Variants in CDYL2 observed in about 807,000 individuals in gnomAD.
The protein encoded by CDYL2 is chromodomain Y like 2.
Under a neutral mutation model 49.4 loss-of-function variants are expected in CDYL2, and 23 were observed. That is an observed-to-expected ratio of 0.47 (90% CI 0.34 to 0.66). CDYL2 has a LOEUF of 0.66. Ranked by LOEUF, CDYL2 falls within the 30% of genes least tolerant of loss-of-function variation. The pLI is 0.01. For missense variants in CDYL2, 678 were observed against 656.4 expected (o/e 1.03, Z -0.36); for synonymous variants, 360 against 268.8 (o/e 1.34, Z -3.32).
At chr16:80,754,426 T>C (rs7192313) in intron 1 of CDYL2, among the ~76,000 whole-genome samples, 48,262 of 152,096 alleles carry the variant, frequency 0.32, 8,422 homozygotes, top group African/African-American at 0.47. Context: ...TTAGGAGATG[T>C]TGCTATTACA....
intron 1 of CDYL2, among the ~76,000 whole-genome samples, chr16:80,737,481 C>A (rs1248143134): frequency 6.6e-6 from 1 of 152,216 alleles, no homozygotes; most frequent in Admixed American, 6.5e-5. Context: ...AGAGCGTGAG[C>A]TCTTCAGCCA....
intron 6 of CDYL2, among the ~76,000 whole-genome samples, chr16:80,606,453 G>T (rs1482659850): frequency 4.6e-5 from 7 of 152,106 alleles, no homozygotes; most frequent in African/African-American, 1.7e-4. Flanking sequence ...TTGCAGGCCA[G>T]TCTCCCACCC....
At chr16:80,778,641 A>G (rs1907167975) in intron 1 of CDYL2, among the ~76,000 whole-genome samples, 1 of 152,102 alleles carries the variant, frequency 6.6e-6, no homozygotes, top group African/African-American at 2.4e-5. Context: ...AGAGGTATCA[A>G]CTTTATCCAA....
At chr16:80,618,965 T>C (rs781442007) in intron 4 of CDYL2, among the ~76,000 whole-genome samples, 1 of 152,156 alleles carries the variant, frequency 6.6e-6, no homozygotes, top group East Asian at 1.9e-4. Flanking sequence ...CAAAAGGTAT[T>C]CTCTCATAGT....
intron 1 of CDYL2, among the ~76,000 whole-genome samples, chr16:80,690,326 G>A (rs1196297737): frequency 2.6e-5 from 4 of 151,868 alleles, no homozygotes; most frequent in African/African-American, 9.7e-5. Context: ...GCAGTGAGGG[G>A]CCTTCCAAGC....
At position 80,612,987 on chromosome 16, in the gene CDYL2, C is replaced by T. The variant is rs1419234493; in HGVS notation, c.1008-151G>A. The T allele has an allele frequency of 1.5e-6, 1 of 653,986 alleles. No individual in the cohort carries two copies. Among genetic ancestry groups the T allele is most frequent in the Non-Finnish European group, 2.5e-6 (1 of 392,506 alleles). 40.5% of individuals were successfully genotyped at this position (653,986 alleles called of 1,614,324 possible). Reference sequence around the variant, plus strand: ...AGGGCCTCATTGCCTGGACATGGAACCACCAGCTGTCAGATTTTCTGAGGT... The same window carrying T: ...AGGGCCTCATTGCCTGGACATGGAATCACCAGCTGTCAGATTTTCTGAGGT... On this transcript the variant is annotated intron_variant, in intron 4 of 6. Transcript: ENST00000570137. This position sits in a 1 kb window ranked among gnomAD's most constrained non-coding sequence, Gnocchi z 5.0.
chr16:80,609,209 A>G (rs183362037), intron 5 of CDYL2, among the ~76,000 whole-genome samples: 414 of 152,358 alleles, frequency 2.7e-3, no homozygotes, highest in African/African-American at 9.5e-3. Flanking sequence ...AGAGAACATG[A>G]TAGTAATGAG....
chr16:80,747,535 A>G (rs1905973392), intron 1 of CDYL2, among the ~76,000 whole-genome samples: 1 of 152,192 alleles, frequency 6.6e-6, no homozygotes, highest in Non-Finnish European at 1.5e-5. Flanking sequence ...GATTGTTGTT[A>G]CCAATGTTGT....
chr16:80,708,137 A>G (rs1394814296), intron 1 of CDYL2, among the ~76,000 whole-genome samples: 1 of 152,080 alleles, frequency 6.6e-6, no homozygotes, highest in Non-Finnish European at 1.5e-5. Context: ...ATAGGAGGAA[A>G]CTCACATTTA....
At chr16:80,621,835 G>C (rs1907097607) in intron 3 of CDYL2, among the ~76,000 whole-genome samples, 1 of 152,130 alleles carries the variant, frequency 6.6e-6, no homozygotes, top group African/African-American at 2.4e-5. Context: ...CCTTGTCTTA[G>C]GCAGGTGGAG....
chr16:80,744,589 G>T (rs953521830), intron 1 of CDYL2, among the ~76,000 whole-genome samples: 12 of 152,138 alleles, frequency 7.9e-5, no homozygotes, highest in African/African-American at 2.9e-4. Flanking sequence ...AAATGTCATT[G>T]TCTTCAAAAT....
intron 1 of CDYL2, among the ~76,000 whole-genome samples, chr16:80,777,683 C>A (rs1443170637): frequency 6.6e-6 from 1 of 151,978 alleles, no homozygotes; most frequent in Non-Finnish European, 1.5e-5. Flanking sequence ...AAAATCAAGT[C>A]ACTGAACATG....
chr16:80,673,217 G>C (rs1909603124), intron 2 of CDYL2, among the ~76,000 whole-genome samples: 1 of 152,156 alleles, frequency 6.6e-6, no homozygotes, highest in Non-Finnish European at 1.5e-5. Flanking sequence ...CTACTCAGGA[G>C]GCAGAGGCAG....
chr16:80,676,768 C>T (rs560344791), intron 2 of CDYL2, among the ~76,000 whole-genome samples: 6 of 152,262 alleles, frequency 3.9e-5, no homozygotes, highest in East Asian at 1.9e-4. Context: ...ATACTGACCT[C>T]GTCACAGGAG....
chr16:80,731,006 T>C (rs1173057346), intron 1 of CDYL2, among the ~76,000 whole-genome samples: 2 of 151,918 alleles, frequency 1.3e-5, no homozygotes, highest in African/African-American at 4.8e-5. Context: ...ATCTGGAAAA[T>C]GATAGATATG....
intron 1 of CDYL2, among the ~76,000 whole-genome samples, chr16:80,714,070 G>C (rs189529348): frequency 5.9e-5 from 9 of 152,210 alleles, no homozygotes; most frequent in Non-Finnish European, 5.9e-5. Flanking sequence ...CAAAACCTGT[G>C]AGCATTAAAA....
rs541356525 is a variant in CDYL2 at position 80,674,260 on chromosome 16, C to T, written c.616+10278G>A. ...CACTTGGACTAACTCAAGCAATGCA[C>T]GTGTCTTCTTTAAGCATTAATTTTC... On this transcript the variant is annotated intron_variant, in intron 2 of 6. Coordinates refer to ENST00000570137, the MANE Select transcript of CDYL2 (RefSeq NM_152342.4). 9.2e-5 allele frequency among the ~76,000 whole-genome samples: 14 copies of T among 152,272 alleles called. No individual in the cohort carries two copies. The South Asian group carries it at 1.9e-3, about 20-fold the overall frequency.
intron 3 of CDYL2, among the ~76,000 whole-genome samples, chr16:80,631,101 G>C (rs892190102): frequency 6.6e-6 from 1 of 152,178 alleles, no homozygotes; most frequent in African/African-American, 2.4e-5. Context: ...GAGACAAAAG[G>C]GCGAGCAAGA....
intron 1 of CDYL2, among the ~76,000 whole-genome samples, chr16:80,705,205 A>C (rs1487444137): frequency 1.3e-5 from 2 of 152,236 alleles, no homozygotes; most frequent in East Asian, 3.8e-4. Context: ...TTCCTCTAGC[A>C]GGATGGCTGC....
Sources: allele counts gnomAD v4.1 joint callset (sites outside exome capture counted in the v4.1 genomes callset), GRCh38; gene constraint gnomAD v4.1.1; non-coding constraint Gnocchi (gnomAD v3.1); transcripts MANE v1.5; gene names NCBI Gene and HGNC (gene_info 2026-07-23, HGNC 2026-07-21).